HEPH: variants seen among roughly 807,000 people sequenced by gnomAD.
HEPH encodes the protein hephaestin.
In HEPH, 69 loss-of-function variants were observed where a neutral mutation model predicts 80.8. That is an observed-to-expected ratio of 0.85 (90% CI 0.70 to 1.04). The LOEUF (loss-of-function observed/expected upper bound fraction) is 1.04. Among genes scored for constraint, HEPH ranks in the 50% least tolerant of loss-of-function variants. HEPH has a pLI of 0.00. For missense variants in HEPH, 1,115 were observed against 891.3 expected (o/e 1.25, Z -3.20); for synonymous variants, 431 against 322.8 (o/e 1.34, Z -3.60).
chrX:66,199,241 G>T (rs1174403317), intron 11 of HEPH, among the ~76,000 whole-genome samples: 1 of 111,631 alleles, frequency 9.0e-6, no homozygotes, highest in Admixed American at 9.5e-5. Flanking sequence ...GGGGAAACTG[G>T]AAGAAAGTAC....
chrX:66,240,810 C>G (rs1191963330), intron 15 of HEPH, among the ~76,000 whole-genome samples: 1 of 111,768 alleles, frequency 8.9e-6, no homozygotes, highest in Non-Finnish European at 1.9e-5. Context: ...CCCTACATAC[C>G]TATACTACAA....
intron 12 of HEPH, among the ~76,000 whole-genome samples, chrX:66,200,967 G>A (rs2088409071): frequency 8.9e-6 from 1 of 111,779 alleles, no homozygotes; most frequent in Admixed American, 9.5e-5. Context: ...TTAGTAGAAG[G>A]TGGAGGAAGC....
intron 4 of HEPH, among the ~76,000 whole-genome samples, chrX:66,186,311 G>T (rs748273487): frequency 1.9e-5 from 2 of 105,542 alleles, no homozygotes; most frequent in East Asian, 6.0e-4. Context: ...CCTCGTTGCC[G>T]CCTTGCAGTT....
intron 15 of HEPH, among the ~76,000 whole-genome samples, chrX:66,215,071 T>C (rs1223488745): frequency 9.0e-6 from 1 of 111,669 alleles, no homozygotes; most frequent in Non-Finnish European, 1.9e-5. Context: ...AATTTACATC[T>C]TTATATTATT....
chrX:66,186,096 C>T (rs2087410795), intron 4 of HEPH, among the ~76,000 whole-genome samples: 1 of 43,827 alleles, frequency 2.3e-5, no homozygotes, highest in Non-Finnish European at 4.0e-5. Flanking sequence ...AGAACCACTG[C>T]TCTCTTCAAA....
chrX:66,249,537 C>T (rs1158657422), intron 15 of HEPH, among the ~76,000 whole-genome samples: 1 of 111,420 alleles, frequency 9.0e-6, no homozygotes, highest in East Asian at 2.8e-4. Context: ...TTGAACCAAA[C>T]AGCACTGAGG....
At chrX:66,178,111 C>T (rs2086896284) in intron 4 of HEPH, among the ~76,000 whole-genome samples, 1 of 111,260 alleles carries the variant, frequency 9.0e-6, no homozygotes, top group Admixed American at 9.6e-5. Flanking sequence ...CACCCCATGA[C>T]AGGCCCCAGT....
chrX:66,260,033 C>T, intron 18 of HEPH, 67 bp from the exon 19 acceptor site: 1 of 1,062,437 alleles, frequency 9.4e-7, no homozygotes, highest in Non-Finnish European at 1.3e-6. Context: ...TTTTTTGGTT[C>T]CTGAAAGCTC....
At chrX:66,198,562 A>C (rs1316241952) in intron 10 of HEPH, among the ~76,000 whole-genome samples, 1 of 108,503 alleles carries the variant, frequency 9.2e-6, no homozygotes, top group East Asian at 2.9e-4. Context: ...ACCTCCCCTC[A>C]TTCCTCTCCC....
At chrX:66,246,301 C>T (rs999989483) in intron 15 of HEPH, among the ~76,000 whole-genome samples, 2 of 111,794 alleles carry the variant, frequency 1.8e-5, no homozygotes, top group Non-Finnish European at 1.9e-5. Context: ...TGGGATTGCC[C>T]TTTCTGCCAT....
At chrX:66,264,051 T>C (rs979822922) in intron 20 of HEPH, among the ~76,000 whole-genome samples, 3 of 109,897 alleles carry the variant, frequency 2.7e-5, no homozygotes, top group African/African-American at 9.9e-5. Flanking sequence ...AAGCTATGAA[T>C]ATGCAAAGGT....
At chrX:66,243,703 A>T (rs2090696344) in intron 15 of HEPH, among the ~76,000 whole-genome samples, 1 of 112,871 alleles carries the variant, frequency 8.9e-6, no homozygotes, top group Admixed American at 9.3e-5. Context: ...TGATCCTGTC[A>T]TTGTGTTGTT....
intron 6 of HEPH, 132 bp from the exon 7 acceptor site, chrX:66,191,998 C>A (rs2087817219): frequency 1.7e-6 from 1 of 598,808 alleles, no homozygotes; most frequent in African/African-American, 2.3e-5. Flanking sequence ...AGAAAGCGGC[C>A]CATTTTGGAG....
At chrX:66,252,628 G>A (rs865973054) in intron 15 of HEPH, among the ~76,000 whole-genome samples, 10 of 111,707 alleles carry the variant, frequency 9.0e-5, no homozygotes, top group Middle Eastern at 4.6e-3. Flanking sequence ...ATTTTGGAAA[G>A]ATTAATATGG....
chrX:66,255,138 C>G lies in HEPH; in HGVS notation c.2667C>G (p.Ile889Met). The G allele has an allele frequency of 1.7e-6, 2 of 1,182,419 alleles. No homozygotes were observed. Among genetic ancestry groups the G allele is most frequent in the Admixed American group, 4.4e-5 (2 of 45,531 alleles). The change falls in exon 16 of 21, where the codon ATC becomes ATG. Residue 889 changes from isoleucine to methionine, a missense_variant. Transcript: ENST00000343002. ...TCTATTATTCTGCAGTGGATCCCATCAAGGTAAATACAAGATTGGCTACCT... is the reference window on the plus strand; with the variant it reads ...TCTATTATTCTGCAGTGGATCCCATGAAGGTAAATACAAGATTGGCTACCT... ...SWIYYSAVDP[I>M]KDMYSGLVGP... is the part of the protein sequence containing the mutation.
In HEPH at chrX:66,235,902, A is replaced by G. The variant is rs181762982; in HGVS notation, c.2564-19133A>G. Among the ~76,000 whole-genome samples the G allele has an allele frequency of 1.1e-3, 123 of 111,043 alleles. 1 individual carries two copies. Among genetic ancestry groups the G allele is most frequent in the African/African-American group, 3.9e-3 (121 of 30,636 alleles). On this transcript the variant is annotated intron_variant, in intron 15 of 20. Transcript: ENST00000343002. ...GGAATGGAATGGAATGGAATGGAATAGCATTCCTGATTTAGCTCGTGGCTT... is the reference window on the plus strand; with the variant it reads ...GGAATGGAATGGAATGGAATGGAATGGCATTCCTGATTTAGCTCGTGGCTT...
chrX:66,166,433 G>A (rs1455163269), intron 1 of HEPH, among the ~76,000 whole-genome samples: 2 of 111,600 alleles, frequency 1.8e-5, no homozygotes, highest in African/African-American at 3.3e-5. Flanking sequence ...GATCTCAGGT[G>A]ATCCACCCAC....
intron 19 of HEPH, among the ~76,000 whole-genome samples, chrX:66,262,518 A>T (rs142911836): frequency 0.014 from 1,600 of 111,980 alleles, 32 homozygotes; most frequent in African/African-American, 0.05. Flanking sequence ...ATGGGAAATA[A>T]ATAATTATCA....
rs150736440 is a variant in HEPH, at chrX:66,200,691, G to C, written c.2016G>C (p.Lys672Asn). 1 of 1,209,856 alleles carries C rather than the reference G, an allele frequency of 8.3e-7. No homozygotes were observed. The highest frequency in any genetic ancestry group is 3.0e-5 in the East Asian group (1 of 33,741). The change falls in exon 12 of 21, where the codon AAG becomes AAC. Residue 672 changes from lysine to asparagine, a missense_variant. Lys to Asn is a moderately conservative substitution (Grantham distance 94). Coordinates refer to ENST00000343002, the MANE Select transcript of HEPH (RefSeq NM_001367233.3). ...CTGTGCAGCTTCAGGGCATGAGGAA[G>C]GGTGCAGCTATGCTCTTTCCTCATA... ...GNTVQLQGMR[K>N]GAAMLFPHTF...
Sources: gnomAD v4.1 joint callset for allele counts (sites outside exome capture counted in the v4.1 genomes callset) on GRCh38, gnomAD v4.1.1 for gene constraint, MANE v1.5 for transcripts, NCBI Gene and HGNC (gene_info 2026-07-23, HGNC 2026-07-21) for gene names.